The following LRRC37A2 variants were observed in gnomAD, a reference collection of about 807,000 sequenced individuals.
LRRC37A2 encodes the protein leucine-rich repeat-containing protein 37A2.
Under a neutral mutation model 68.8 loss-of-function variants are expected in LRRC37A2, and 9 were observed. That is an observed-to-expected ratio of 0.13 (90% CI 0.08 to 0.23). LRRC37A2 has a LOEUF of 0.23. Ranked by LOEUF, LRRC37A2 falls within the 10% of genes least tolerant of loss-of-function variation. LRRC37A2 has a pLI of 1.00. For synonymous variants in LRRC37A2, 63 were observed against 367.6 expected (o/e 0.17, Z 9.48); for missense variants, 168 against 950.4 (o/e 0.18, Z 10.82).
At chr17:46,976,406 G>T in the LRRC37A2 span, among the ~76,000 whole-genome samples, 1 of 151,660 alleles carries the variant, frequency 6.6e-6, no homozygotes, top group African/African-American at 2.4e-5. Flanking sequence ...AATTAGCCAG[G>T]CATGGTGGCG....
At chr17:46,883,376 C>G in the LRRC37A2 span, among the ~76,000 whole-genome samples, 7 of 151,734 alleles carry the variant, frequency 4.6e-5, no homozygotes, top group African/African-American at 1.7e-4. Flanking sequence ...CCTCCGCCTC[C>G]CGGGTTCAAG....
intron 6 of LRRC37A2, among the ~76,000 whole-genome samples, chr17:46,532,312 T>G (rs1451295320): frequency 1.3e-5 from 2 of 150,312 alleles, no homozygotes; most frequent in Non-Finnish European, 2.9e-5. Context: ...CTCCGTTGAA[T>G]TTGGTTTGCC....
At chr17:46,772,924 G>C in the LRRC37A2 span, among the ~76,000 whole-genome samples, 1 of 152,122 alleles carries the variant, frequency 6.6e-6, no homozygotes, top group Non-Finnish European at 1.5e-5. Flanking sequence ...TGGCCAGCCC[G>C]GCCAGGATCG....
At chr17:46,926,918 C>T in the LRRC37A2 span, among the ~76,000 whole-genome samples, 1 of 152,212 alleles carries the variant, frequency 6.6e-6, no homozygotes, top group Admixed American at 6.5e-5. Flanking sequence ...CTCTAGGACA[C>T]ATTCCTCAAA....
chr17:47,000,422 A>C, the LRRC37A2 span, among the ~76,000 whole-genome samples: 106,126 of 151,536 alleles, frequency 0.7, 37,766 homozygotes, highest in Middle Eastern at 0.78. Context: ...TTTAGTAGGG[A>C]TGGGGTTCTG....
the LRRC37A2 span, among the ~76,000 whole-genome samples, chr17:46,972,853 T>C: frequency 2.0e-5 from 3 of 152,058 alleles, no homozygotes; most frequent in African/African-American, 7.2e-5. Context: ...CCTTCACCTC[T>C]GCAACTTCCT....
At chr17:46,884,756 C>G in the LRRC37A2 span, among the ~76,000 whole-genome samples, 2 of 152,156 alleles carry the variant, frequency 1.3e-5, no homozygotes, top group Non-Finnish European at 2.9e-5. Context: ...TGCCTGAGGT[C>G]ACACAGCAAG....
the LRRC37A2 span, among the ~76,000 whole-genome samples, chr17:46,737,081 T>G: frequency 2.6e-5 from 4 of 152,220 alleles, no homozygotes; most frequent in Admixed American, 2.0e-4. Context: ...ACATCTGCTT[T>G]TATTAGATGT....
chr17:46,779,390 G>A, the LRRC37A2 span, among the ~76,000 whole-genome samples: 33 of 152,180 alleles, frequency 2.2e-4, no homozygotes, highest in African/African-American at 7.2e-4. Flanking sequence ...CCAGGCCTTC[G>A]CAGCTGGGCC....
chr17:46,782,994 C>T, the LRRC37A2 span, among the ~76,000 whole-genome samples: 1 of 152,184 alleles, frequency 6.6e-6, no homozygotes, highest in African/African-American at 2.4e-5. Context: ...GCCAAGGTGC[C>T]TCAGGGGGTG....
the LRRC37A2 span, among the ~76,000 whole-genome samples, chr17:46,502,304 G>A: frequency 6.6e-6 from 1 of 150,946 alleles, no homozygotes; most frequent in African/African-American, 2.5e-5. Flanking sequence ...CTAGTTTAAG[G>A]GTCCTTTTAT....
the LRRC37A2 span, among the ~76,000 whole-genome samples, chr17:46,772,437 G>A: frequency 6.6e-6 from 1 of 152,206 alleles, no homozygotes; most frequent in Non-Finnish European, 1.5e-5. Flanking sequence ...TTTGGGGAGC[G>A]CGTCTAGACG....
chr17:46,720,873 G>C, the LRRC37A2 span, among the ~76,000 whole-genome samples: 1 of 152,212 alleles, frequency 6.6e-6, no homozygotes, highest in African/African-American at 2.4e-5. Flanking sequence ...AATCTCCTGA[G>C]AGCATGCTTG....
chr17:46,972,628 G>A, the LRRC37A2 span, among the ~76,000 whole-genome samples: 6 of 152,174 alleles, frequency 3.9e-5, no homozygotes, highest in Non-Finnish European at 7.3e-5. Context: ...TCCATGTCCC[G>A]GGCTTTCTGC....
chr17:46,900,910 C>G, the LRRC37A2 span, among the ~76,000 whole-genome samples: 86 of 152,190 alleles, frequency 5.7e-4, no homozygotes, highest in African/African-American at 1.3e-3. Flanking sequence ...ATCTGGTGCT[C>G]AGAGGCTTAC....
the LRRC37A2 span, among the ~76,000 whole-genome samples, chr17:46,927,153 C>T: frequency 6.6e-6 from 1 of 152,060 alleles, no homozygotes; most frequent in Non-Finnish European, 1.5e-5. Flanking sequence ...AGTTGAGTGT[C>T]ATTTTGTATA....
the LRRC37A2 span, among the ~76,000 whole-genome samples, chr17:46,869,435 C>T: frequency 1.3e-5 from 2 of 152,294 alleles, no homozygotes; most frequent in Admixed American, 6.5e-5. Context: ...GGAGTGGAGC[C>T]GTTCTGGGCA....
the LRRC37A2 span, among the ~76,000 whole-genome samples, chr17:46,750,808 A>C: frequency 6.6e-6 from 1 of 152,076 alleles, no homozygotes; most frequent in East Asian, 1.9e-4. Flanking sequence ...CCTTGCATTT[A>C]ATAAGTTGGA....
downstream of LRRC37A2, among the ~76,000 whole-genome samples, chr17:46,558,602 G>C (rs2057421602): frequency 8.1e-6 from 1 of 123,146 alleles, no homozygotes. Flanking sequence ...TGTTGGCCAG[G>C]CTAGTCTTGA....
Sources: allele counts gnomAD v4.1 joint callset (sites outside exome capture counted in the v4.1 genomes callset), GRCh38; gene constraint gnomAD v4.1.1; transcripts MANE v1.5; gene names NCBI Gene and HGNC (gene_info 2026-07-23, HGNC 2026-07-21).